AUTS2: variants seen among roughly 807,000 people sequenced by gnomAD.
The protein encoded by AUTS2 is activator of transcription and developmental regulator AUTS2, also known as autism susceptibility gene 2 protein.
In AUTS2, 17 loss-of-function variants were observed where a neutral mutation model predicts 112.4. The ratio of observed to expected loss-of-function variants is 0.15; its 90% CI spans 0.10 to 0.23. The LOEUF (loss-of-function observed/expected upper bound fraction) is 0.23. Among genes scored for constraint, AUTS2 ranks in the 10% least tolerant of loss-of-function variants. The probability of loss-of-function intolerance (pLI) is 1.00; values close to 1 mark genes in which losing one functional copy is unlikely to be tolerated. For synonymous variants in AUTS2, 751 were observed against 702.7 expected, an observed-to-expected ratio of 1.07 and a Z score of -1.09; for missense variants, 1,510 against 1,701.6, an observed-to-expected ratio of 0.89 and a Z score of 1.98.
Position 70,384,576 on chromosome 7 carries a change from C to T in AUTS2, c.661-51176C>T, listed in dbSNP as rs535158559. ...CAGCTCAGCTCCAGGCTGCTGTGCA[C>T]GGCGCCAACGGTGCCAAGAGCTTGT... On this transcript the variant is annotated intron_variant, in intron 4 of 18. Transcript: ENST00000342771. Among the ~76,000 whole-genome samples, 129 of 152,266 alleles carry T rather than the reference C, an allele frequency of 8.5e-4. 1 individual carries two copies. The highest frequency in any genetic ancestry group is 7.9e-4 in the African/African-American group (33 of 41,574).
chr7:69,611,958 T>A (rs988252040), intron 1 of AUTS2, among the ~76,000 whole-genome samples: 42 of 88,314 alleles, frequency 4.8e-4, no homozygotes, highest in African/African-American at 7.3e-4. Flanking sequence ...AAAAAAAAAA[T>A]TGTAAATTAT....
At chr7:70,342,133 C>CCT (rs368267081) in intron 4 of AUTS2, among the ~76,000 whole-genome samples, 2 of 151,964 alleles carry the variant, frequency 1.3e-5, no homozygotes, top group Non-Finnish European at 2.9e-5. Flanking sequence ...CTTTGCCTGT[C>CCT]CTCTCTCTCT....
At chr7:69,676,119 C>G (rs1261975810) in intron 1 of AUTS2, among the ~76,000 whole-genome samples, 1 of 152,040 alleles carries the variant, frequency 6.6e-6, no homozygotes, top group Admixed American at 6.6e-5. Context: ...AGAAATATCT[C>G]CAGTTATTCA....
At chr7:69,761,531 G>A (rs1208436328) in intron 1 of AUTS2, among the ~76,000 whole-genome samples, 2 of 152,118 alleles carry the variant, frequency 1.3e-5, no homozygotes, top group African/African-American at 4.8e-5. Context: ...TGTGTGATTT[G>A]TGTGTATTTC....
chr7:70,660,224 C>A (rs1018211468), intron 5 of AUTS2, among the ~76,000 whole-genome samples: 7 of 151,894 alleles, frequency 4.6e-5, no homozygotes, highest in African/African-American at 1.7e-4. Context: ...GAAATGCAGG[C>A]AACTGTGCAT....
chr7:69,921,327 G>GTT (rs11289784), intron 2 of AUTS2, among the ~76,000 whole-genome samples: 1,384 of 90,340 alleles, frequency 0.015, 22 homozygotes, highest in African/African-American at 0.049. Flanking sequence ...TAGACTTGAA[G>GTT]TTTTTTTTTT....
intron 5 of AUTS2, among the ~76,000 whole-genome samples, chr7:70,578,598 A>G (rs1171250055): frequency 1.3e-5 from 2 of 152,240 alleles, no homozygotes. Context: ...TAGATTTGCC[A>G]TTGAGTTCAC....
intron 2 of AUTS2, among the ~76,000 whole-genome samples, chr7:70,049,250 T>A (rs962750576): frequency 1.3e-5 from 2 of 152,216 alleles, no homozygotes; most frequent in Non-Finnish European, 2.9e-5. Context: ...AGTAGTGTTG[T>A]CATATTCATT....
At chr7:70,065,538 A>G (rs1025417277) in intron 2 of AUTS2, among the ~76,000 whole-genome samples, 1 of 152,072 alleles carries the variant, frequency 6.6e-6, no homozygotes, top group Non-Finnish European at 1.5e-5. Flanking sequence ...TACTGAAAAT[A>G]CAAAAAATTT....
At chr7:70,532,406 C>T (rs1800133886) in intron 5 of AUTS2, among the ~76,000 whole-genome samples, 2 of 152,080 alleles carry the variant, frequency 1.3e-5, no homozygotes, top group African/African-American at 4.8e-5. Context: ...AGATTTATTC[C>T]TTTGGGTCTT....
chr7:70,633,000 A>G (rs1403697880), intron 5 of AUTS2, among the ~76,000 whole-genome samples: 12 of 152,164 alleles, frequency 7.9e-5, no homozygotes, highest in African/African-American at 2.4e-4. Flanking sequence ...TGGGGGGAAA[A>G]AAAAAAGTTG....
At chr7:70,424,293 G>A (rs1562949733) in intron 4 of AUTS2, among the ~76,000 whole-genome samples, 1 of 152,168 alleles carries the variant, frequency 6.6e-6, no homozygotes, top group Non-Finnish European at 1.5e-5. Flanking sequence ...ATTCACTGCT[G>A]CTTGTAGGCG....
At chr7:70,065,042 G>A (rs1439172576) in intron 2 of AUTS2, among the ~76,000 whole-genome samples, 2 of 152,132 alleles carry the variant, frequency 1.3e-5, no homozygotes, top group East Asian at 3.9e-4. Context: ...AAACAAAGGA[G>A]CAAGTGAACA....
intron 4 of AUTS2, among the ~76,000 whole-genome samples, chr7:70,384,616 G>T (rs1419032712): frequency 6.6e-6 from 1 of 152,178 alleles, no homozygotes; most frequent in Non-Finnish European, 1.5e-5. Context: ...GCAGGGAAAA[G>T]AGCCCTCAGG....
intron 5 of AUTS2, among the ~76,000 whole-genome samples, chr7:70,633,259 A>G (rs1805362517): frequency 6.6e-6 from 1 of 152,194 alleles, no homozygotes; most frequent in Admixed American, 6.5e-5. Context: ...TCTCCACAGC[A>G]CAGCTCACTC....
Position 70,170,309 on chromosome 7 carries a change from A to G in AUTS2, c.660+35738A>G, listed in dbSNP as rs78900949. 2.9e-3 allele frequency among the ~76,000 whole-genome samples: 441 copies of G among 151,546 alleles called. 5 individuals are homozygous for G. Among genetic ancestry groups the G allele is most frequent in the African/African-American group, 0.01 (427 of 41,322 alleles). ...CAAGTAGCTGGGTCTACAGGCATAT[A>G]CCACCGCTAATTTTTGTATTTTTGT... On this transcript the variant is annotated intron_variant, in intron 4 of 18. Coordinates refer to ENST00000342771, the MANE Select transcript of AUTS2 (RefSeq NM_015570.4).
chr7:70,422,142 A>G (rs574854654), intron 4 of AUTS2, among the ~76,000 whole-genome samples: 2 of 152,324 alleles, frequency 1.3e-5, no homozygotes, highest in East Asian at 3.9e-4. Flanking sequence ...GTAGCCTAAG[A>G]TGTCTTTGGA....
chr7:69,730,304 T>A (rs1198698670), intron 1 of AUTS2, among the ~76,000 whole-genome samples: 1 of 152,180 alleles, frequency 6.6e-6, no homozygotes, highest in East Asian at 1.9e-4. Context: ...CAAAGCAGTT[T>A]ATGAAGTTTT....
intron 13 of AUTS2, 36 bp downstream of exon 13, chr7:70,775,422 C>G (rs1302369618): frequency 3.9e-6 from 6 of 1,551,846 alleles, no homozygotes; most frequent in Non-Finnish European, 5.3e-6. Flanking sequence ...TTTGCAACCT[C>G]TATTTGACTC....
Sources: allele counts gnomAD v4.1 joint callset (sites outside exome capture counted in the v4.1 genomes callset), GRCh38; gene constraint gnomAD v4.1.1; transcripts MANE v1.5; gene names NCBI Gene and HGNC (gene_info 2026-07-23, HGNC 2026-07-21).